Variants in IPO5 observed in about 807,000 individuals in gnomAD.
IPO5 encodes the protein importin-5.
IPO5 carries 18 observed loss-of-function variants against 143.3 expected under a neutral mutation model. The ratio of observed to expected loss-of-function variants is 0.13; its 90% CI spans 0.09 to 0.19. The LOEUF is 0.19. IPO5 is among the 10% of genes least tolerant of loss of function. The pLI is 1.00. For missense variants in IPO5, 1,013 were observed against 1,336.9 expected, an observed-to-expected ratio of 0.76 and a Z score of 3.78; for synonymous variants, 477 against 465.7, an observed-to-expected ratio of 1.02 and a Z score of -0.31.
intron 18 of IPO5, among the ~76,000 whole-genome samples, chr13:98,009,208 G>T (rs1204541904): frequency 1.3e-5 from 2 of 152,170 alleles, no homozygotes; most frequent in Admixed American, 1.3e-4. Flanking sequence ...TTAAGAGGTG[G>T]GGCATGTGTC....
At chr13:97,998,269 C>T (rs1394579680) in intron 12 of IPO5, among the ~76,000 whole-genome samples, 1 of 152,220 alleles carries the variant, frequency 6.6e-6, no homozygotes, top group Non-Finnish European at 1.5e-5. Context: ...GCCACCGCAC[C>T]TGGCCAAGTA....
intron 12 of IPO5, among the ~76,000 whole-genome samples, chr13:97,999,977 G>C (rs1888623229): frequency 6.6e-6 from 1 of 152,086 alleles, no homozygotes. Flanking sequence ...GTAGCGGGTG[G>C]GGGTGGTCTT....
intron 11 of IPO5, among the ~76,000 whole-genome samples, chr13:97,994,653 C>T (rs1431361022): frequency 1.3e-5 from 2 of 152,046 alleles, no homozygotes; most frequent in African/African-American, 4.8e-5. Flanking sequence ...GAACATAGGG[C>T]CTGGAGTAGC....
At chr13:98,005,229 C>T (rs1283169134) in intron 16 of IPO5, among the ~76,000 whole-genome samples, 1 of 150,990 alleles carries the variant, frequency 6.6e-6, no homozygotes, top group Non-Finnish European at 1.5e-5. Flanking sequence ...CAGAGTCTTG[C>T]TCTTGTCAAC....
chr13:97,971,701 C>T (rs1885838515), intron 3 of IPO5, among the ~76,000 whole-genome samples: 1 of 152,134 alleles, frequency 6.6e-6, no homozygotes. Flanking sequence ...GTAACCCCAG[C>T]ACTTTGGGAG....
chr13:98,010,265 TTA>T (rs768319742), intron 20 of IPO5, 41 bp downstream of exon 20: 2 of 1,572,316 alleles, frequency 1.3e-6, no homozygotes, highest in East Asian at 2.2e-5. Context: ...ATTTTACATC[TTA>T]TATACATTTC....
chr13:97,967,425 CTCTT>C (rs941155941), intron 2 of IPO5, among the ~76,000 whole-genome samples: 3 of 151,456 alleles, frequency 2.0e-5, no homozygotes, highest in Non-Finnish European at 4.4e-5. Flanking sequence ...TTCTTCCTTT[CTCTT>C]TCTTTCTTGC....
At chr13:97,990,325 C>T in intron 8 of IPO5, 103 bp downstream of exon 8, 1 of 1,141,170 alleles carries the variant, frequency 8.8e-7, no homozygotes. Context: ...CTTTAAAATA[C>T]AAACACCAGT....
At chr13:98,007,194 C>G (rs1889340085) in intron 17 of IPO5, among the ~76,000 whole-genome samples, 1 of 152,146 alleles carries the variant, frequency 6.6e-6, no homozygotes, top group Non-Finnish European at 1.5e-5. Flanking sequence ...CAGCTGTGCT[C>G]CTGATGCCTC....
chr13:97,995,830 TAAA>T (rs1311894900), intron 11 of IPO5, among the ~76,000 whole-genome samples: 3 of 152,148 alleles, frequency 2.0e-5, no homozygotes, highest in Admixed American at 2.0e-4. Flanking sequence ...TGGAACTAGT[TAAA>T]AAAGTTAAGG....
At chr13:98,015,242 T>TTGTG (rs1179382229) in intron 22 of IPO5, among the ~76,000 whole-genome samples, 1,926 of 147,624 alleles carry the variant, frequency 0.013, 31 homozygotes, top group East Asian at 0.052. Context: ...TAGGAGCTGG[T>TTGTG]TGTGTGTGTG....
intron 3 of IPO5, among the ~76,000 whole-genome samples, chr13:97,973,810 C>T (rs1331897256): frequency 6.6e-6 from 1 of 152,202 alleles, no homozygotes; most frequent in East Asian, 1.9e-4. Flanking sequence ...TGGCGGAGGC[C>T]TGTAATCCTA....
rs946849603 is a variant in IPO5 at position 98,002,283 on chromosome 13, G to A, written c.1109-184G>A. 1.2e-5 allele frequency: 5 copies of A among 426,486 alleles called. No homozygotes were observed. In the East Asian group the frequency reaches 1.5e-4, roughly 13 times the overall value. 26.4% of individuals were successfully genotyped at this position (426,486 alleles called of 1,614,324 possible). ...GCCCGCCTCAGACTCCCAAAGTGCT[G>A]GGATTACAGGCGCGAGCCACCGCGC... On this transcript the variant is annotated intron_variant, in intron 13 of 28. Coordinates refer to ENST00000651721, the MANE Select transcript of IPO5 (RefSeq NM_002271.6).
rs1261995108 is a variant in IPO5 at position 98,008,553 on chromosome 13, C to T, written c.1800+411C>T. Among the ~76,000 whole-genome samples the T allele has an allele frequency of 2.0e-5, 3 of 152,184 alleles. 1 individual carries two copies. The highest frequency in any genetic ancestry group is 4.4e-5 in the Non-Finnish European group (3 of 68,038). ...CTTTGAAGGCTGCATGATCTCCCTC[C>T]CCTGGCAGAAAATACAGAACCCAAG... On this transcript the variant is annotated intron_variant, in intron 18 of 28. Transcript: ENST00000651721.
Position 98,004,514 on chromosome 13 carries a change from A to T in IPO5, c.1497+1477A>T, listed in dbSNP as rs75961935. Among the ~76,000 whole-genome samples the T allele has an allele frequency of 1.2e-3, 185 of 152,294 alleles. 3 individuals are homozygous for T. In the East Asian group the frequency reaches 0.034, roughly 28 times the overall value. ...GGTTTGGGTGGATGGCTGTGGTATG[A>T]TAGTCTGTGTGTACCCCTGCCCTTC... On this transcript the variant is annotated intron_variant, in intron 16 of 28. Coordinates refer to ENST00000651721, the MANE Select transcript of IPO5 (RefSeq NM_002271.6).
At chr13:98,005,168 A>T (rs1594108092) in intron 16 of IPO5, among the ~76,000 whole-genome samples, 1 of 148,306 alleles carries the variant, frequency 6.7e-6, no homozygotes, top group East Asian at 2.0e-4. Context: ...AAGTGCTGGG[A>T]TTACAGGTGT....
intron 4 of IPO5, among the ~76,000 whole-genome samples, chr13:97,981,005 T>C (rs1427511253): frequency 6.6e-6 from 1 of 152,194 alleles, no homozygotes; most frequent in Non-Finnish European, 1.5e-5. Flanking sequence ...TTGGTAAATA[T>C]TAAGTGAAAA....
At chr13:98,009,157 T>C (rs1889500647) in intron 18 of IPO5, among the ~76,000 whole-genome samples, 1 of 152,172 alleles carries the variant, frequency 6.6e-6, no homozygotes, top group Non-Finnish European at 1.5e-5. Context: ...AAACACCCAG[T>C]ACCTATCTGA....
Position 97,969,797 on chromosome 13 carries a change from T to G in IPO5, c.-38T>G. On this transcript the variant is annotated 5_prime_UTR_variant, in exon 3 of 29. Coordinates refer to ENST00000651721, the MANE Select transcript of IPO5 (RefSeq NM_002271.6). ...TGTCTTCAAATGCCTGAGGATCAAG[T>G]TGGAAAACTAGAAGCAACAGAAAAC... 1 of 1,612,800 alleles carries G rather than the reference T, an allele frequency of 6.2e-7. No homozygotes were observed. The highest frequency in any genetic ancestry group is 1.3e-5 in the African/African-American group (1 of 75,028).
Sources: allele counts gnomAD v4.1 joint callset (sites outside exome capture counted in the v4.1 genomes callset), GRCh38; gene constraint gnomAD v4.1.1; transcripts MANE v1.5; gene names NCBI Gene and HGNC (gene_info 2026-07-23, HGNC 2026-07-21).